The following ADAM7 variants were observed in gnomAD, a reference collection of about 807,000 sequenced individuals.
The protein encoded by ADAM7 is ADAM metallopeptidase domain 7, also known as disintegrin and metalloproteinase domain-containing protein 7.
Under a neutral mutation model 102.9 loss-of-function variants are expected in ADAM7, and 97 were observed. The ratio of observed to expected loss-of-function variants is 0.94; its 90% CI spans 0.80 to 1.12. The LOEUF (loss-of-function observed/expected upper bound fraction) is 1.12. Among genes scored for constraint, ADAM7 ranks in the 50% most tolerant of loss-of-function variants. The pLI is 0.00. For missense variants in ADAM7, 991 were observed against 908.7 expected (o/e 1.09, Z -1.16); for synonymous variants, 334 against 304.4 (o/e 1.10, Z -1.01).
At chr8:24,482,072 G>C (rs1187429414) in intron 8 of ADAM7, 70 bp from the exon 9 acceptor site, 2 of 1,129,616 alleles carry the variant, frequency 1.8e-6, no homozygotes, top group Non-Finnish European at 2.5e-6. Flanking sequence ...GAAATGTAAA[G>C]GAATATAGTA....
At chr8:24,506,088 T>G (rs1358570232) in intron 20 of ADAM7, 3 of 1,546,686 alleles carry the variant, frequency 1.9e-6, no homozygotes, top group East Asian at 4.9e-5. Context: ...CTCTTCTTAC[T>G]AGCAGAGAAC....
chr8:24,500,276 A>C lies in ADAM7; in HGVS notation c.2002+20A>C, dbSNP rs768147095. The stretch of plus-strand genomic sequence containing the variant: ...TTACCAGTGAGCATCCTAAAACAAA[A>C]TCTTTCATATATCAAAAGCCTACCC... On this transcript the variant is annotated intron_variant, in intron 18 of 21. Coordinates refer to ENST00000175238, the MANE Select transcript of ADAM7 (RefSeq NM_003817.4). 6.3e-7 allele frequency: 1 copy of C among 1,591,844 alleles called. No individual in the cohort carries two copies. The highest frequency in any genetic ancestry group is 8.6e-7 in the Non-Finnish European group (1 of 1,163,214).
intron 9 of ADAM7, among the ~76,000 whole-genome samples, chr8:24,484,150 CA>C (rs1353184898): frequency 6.6e-6 from 1 of 152,104 alleles, no homozygotes; most frequent in Admixed American, 6.6e-5. Flanking sequence ...TCAATACCCC[CA>C]GAGTTTAAAA....
At chr8:24,504,828 T>A (rs750256405) in intron 20 of ADAM7, among the ~76,000 whole-genome samples, 2 of 152,166 alleles carry the variant, frequency 1.3e-5, no homozygotes, top group African/African-American at 4.8e-5. Context: ...CACTGGCATA[T>A]AGAGATAGTG....
intron 14 of ADAM7, 140 bp from the exon 15 acceptor site, chr8:24,492,355 A>T (rs1237779638): frequency 7.0e-6 from 5 of 718,240 alleles, no homozygotes; most frequent in African/African-American, 5.4e-5. Context: ...AGGCAATAGG[A>T]TAGTTTTTAA....
chr8:24,447,165 G>A lies in ADAM7; in HGVS notation c.157-21G>A, dbSNP rs367899328. On this transcript the variant is annotated intron_variant, in intron 2 of 21. Transcript: ENST00000175238. ...CTAAATGAGCCCATGTTGAAGTCAC[G>A]TGATGCCTCTTCTTTTTTAGAAAAC... is the stretch of plus-strand genomic sequence containing the variant. 62 of 1,459,466 alleles carry A rather than the reference G, an allele frequency of 4.2e-5. No individual in the cohort carries two copies. In the Middle Eastern group the frequency reaches 5.3e-4, roughly 12 times the overall value. The allele number at this position is 1,459,466 out of a possible 1,614,324, so 90.4% of individuals were successfully genotyped here. A position where few individuals can be genotyped will look rare whatever the true frequency, so the allele number is the denominator to read the frequency against.
intron 3 of ADAM7, among the ~76,000 whole-genome samples, chr8:24,457,523 G>A (rs907373497): frequency 1.3e-5 from 2 of 151,950 alleles, no homozygotes; most frequent in African/African-American, 2.4e-5. Context: ...CAATCCACCC[G>A]CCTTGGCCTC....
At position 24,465,758 on chromosome 8, in the gene ADAM7, T is replaced by A. The variant is rs1819403682; in HGVS notation, c.372T>A (p.Ser124Arg). The A allele has an allele frequency of 6.2e-7, 1 of 1,609,914 alleles. No homozygotes were observed. ...VHEYDSAASI[S>R]TCNGLRGFFR... The stretch of plus-strand genomic sequence containing the variant: ...AATATGATTCAGCTGCCAGTATCAG[T>A]ACGTGTAATGGTCTAAGGTAATGCA... The change falls in exon 5 of 22, where the codon AGT (serine) becomes AGA (arginine). Residue 124 changes from serine to arginine, a missense_variant. Ser to Arg is a moderately radical substitution (Grantham distance 110). Transcript: ENST00000175238.
rs144893129 is a variant in ADAM7, at chr8:24,466,425, A to G, written c.390-374A>G. Among the ~76,000 whole-genome samples, 8 of 152,286 alleles carry G rather than the reference A, an allele frequency of 5.3e-5. No individual in the cohort carries two copies. The East Asian group carries it at 1.5e-3, about 29-fold the overall frequency. The stretch of plus-strand genomic sequence containing the variant: ...AATGACACAGTTACCACATATTAGT[A>G]TTTTTACTTTCATATATTTACTTTC... On this transcript the variant is annotated intron_variant, in intron 5 of 21. Transcript: ENST00000175238.
Position 24,447,267 on chromosome 8 carries a change from G to A in ADAM7, c.233+5G>A. The A allele has an allele frequency of 6.7e-7, 1 of 1,491,858 alleles. No homozygotes were observed. Among genetic ancestry groups the A allele is most frequent in the Middle Eastern group, 1.8e-4 (1 of 5,492 alleles). 92.4% of individuals were successfully genotyped at this position (1,491,858 alleles called of 1,614,324 possible). A position where few individuals can be genotyped will look rare whatever the true frequency, so the allele number is the denominator to read the frequency against. Reference sequence around the variant, plus strand: ...CCTTCATCTTCTAAGATCCAGGTAAGTTCTATTGTGATTCCAGTACCTTAT... The same window carrying A: ...CCTTCATCTTCTAAGATCCAGGTAAATTCTATTGTGATTCCAGTACCTTAT... On this transcript the variant is annotated splice_donor_5th_base_variant and intron_variant, in intron 3 of 21. Coordinates refer to ENST00000175238, the MANE Select transcript of ADAM7 (RefSeq NM_003817.4).
chr8:24,506,611 A>C (rs1820958238), intron 20 of ADAM7, among the ~76,000 whole-genome samples: 1 of 152,132 alleles, frequency 6.6e-6, no homozygotes, highest in African/African-American at 2.4e-5. Context: ...AATGGTTTTC[A>C]GTGAGTCCTT....
intron 3 of ADAM7, among the ~76,000 whole-genome samples, chr8:24,451,919 T>C (rs1311303760): frequency 1.5e-4 from 22 of 151,188 alleles, no homozygotes; most frequent in African/African-American, 5.1e-4. Context: ...CCAGTAGTCA[T>C]TCAGGAGCAG....
intron 3 of ADAM7, among the ~76,000 whole-genome samples, chr8:24,461,771 A>G (rs1024966948): frequency 1.7e-5 from 1 of 57,562 alleles, no homozygotes; most frequent in Non-Finnish European, 3.3e-5. Flanking sequence ...TTCTTATTTT[A>G]AGGATATCAA....
At chr8:24,497,204 G>A (rs1820589852) in intron 16 of ADAM7, among the ~76,000 whole-genome samples, 1 of 152,166 alleles carries the variant, frequency 6.6e-6, no homozygotes, top group Admixed American at 6.6e-5. Flanking sequence ...TTTCTGCCAA[G>A]ATTGTGAGAC....
chr8:24,499,064 G>A (rs1190190564), intron 16 of ADAM7, among the ~76,000 whole-genome samples, 172 bp from the exon 17 acceptor site: 1 of 152,044 alleles, frequency 6.6e-6, no homozygotes, highest in African/African-American at 2.4e-5. Context: ...AATACTACAT[G>A]TGGAATTTTA....
intron 20 of ADAM7, among the ~76,000 whole-genome samples, chr8:24,503,740 G>A (rs1455762814): frequency 2.0e-5 from 3 of 152,074 alleles, no homozygotes; most frequent in Non-Finnish European, 4.4e-5. Context: ...CATGGATGAA[G>A]CTGGAAACCA....
At chr8:24,503,566 C>T (rs558831419) in intron 20 of ADAM7, among the ~76,000 whole-genome samples, 108 of 152,244 alleles carry the variant, frequency 7.1e-4, no homozygotes, top group African/African-American at 2.3e-3. Flanking sequence ...ACTATAAAGA[C>T]ACATGCACAC....
At chr8:24,455,993 ACTCT>A (rs1819018689) in intron 3 of ADAM7, among the ~76,000 whole-genome samples, 1 of 151,876 alleles carries the variant, frequency 6.6e-6, no homozygotes, top group African/African-American at 2.4e-5. Flanking sequence ...CTTGAAATTT[ACTCT>A]CTAAGATTAT....
At chr8:24,492,159 C>A in intron 14 of ADAM7, 61 bp downstream of exon 14, 1 of 1,491,620 alleles carries the variant, frequency 6.7e-7, no homozygotes, top group Non-Finnish European at 9.1e-7. Context: ...TCTGTTATTG[C>A]CCTGTAGGAA....
Sources: gnomAD v4.1 joint callset for allele counts (sites outside exome capture counted in the v4.1 genomes callset) on GRCh38, gnomAD v4.1.1 for gene constraint, MANE v1.5 for transcripts, NCBI Gene and HGNC (gene_info 2026-07-23, HGNC 2026-07-21) for gene names.